The following MTUS2 variants were observed in gnomAD, a reference collection of about 807,000 sequenced individuals.
The protein encoded by MTUS2 is microtubule associated scaffold protein 2, also known as microtubule-associated tumor suppressor candidate 2.
Under a neutral mutation model 114.1 loss-of-function variants are expected in MTUS2, and 40 were observed. The ratio of observed to expected loss-of-function variants is 0.35; its 90% CI spans 0.27 to 0.46. The LOEUF (loss-of-function observed/expected upper bound fraction) is 0.46. Among genes scored for constraint, MTUS2 ranks in the 20% least tolerant of loss-of-function variants. MTUS2 has a pLI of 1.00. For synonymous variants in MTUS2, 688 were observed against 672.0 expected, an observed-to-expected ratio of 1.02 and a Z score of -0.37; for missense variants, 1,679 against 1,705.4, an observed-to-expected ratio of 0.98 and a Z score of 0.27.
At chr13:29,376,690 A>G (rs1245748199) in intron 8 of MTUS2, among the ~76,000 whole-genome samples, 3 of 152,184 alleles carry the variant, frequency 2.0e-5, no homozygotes, top group Non-Finnish European at 4.4e-5. Context: ...CTTATTGTCT[A>G]TAGCTGCTTT....
At position 29,480,264 on chromosome 13, in the gene MTUS2, T is replaced by C. The variant is rs1183305099; in HGVS notation, c.3299T>C (p.Leu1100Pro). ...GWQQQAELQE[L>P]EERLQLQFEA... ...CAGCAGCAGGCCGAGCTCCAGGAGC[T>C]GGAGGAGCGGCTGCAGCTGCAATTC... Residue 1100 changes from leucine (L) to proline (P), a missense_variant, in exon 10 of 16, where the codon CTG (leucine) becomes CCG (proline). Coordinates refer to ENST00000612955, the MANE Select transcript of MTUS2 (RefSeq NM_001033602.4). This position sits in a 1 kb window ranked among gnomAD's most constrained non-coding sequence, Gnocchi z 4.4. 1 of 1,554,220 alleles carries C rather than the reference T, an allele frequency of 6.4e-7. No individual in the cohort carries two copies. Among genetic ancestry groups the C allele is most frequent in the Non-Finnish European group, 8.7e-7 (1 of 1,148,754 alleles).
At chr13:29,285,937 T>C (rs1898463326) in intron 6 of MTUS2, among the ~76,000 whole-genome samples, 1 of 152,172 alleles carries the variant, frequency 6.6e-6, no homozygotes, top group African/African-American at 2.4e-5. Context: ...TATTGTTAAT[T>C]TTTTGTTTAG....
intron 2 of MTUS2, among the ~76,000 whole-genome samples, chr13:29,001,661 C>A (rs564852312): frequency 3.3e-5 from 5 of 152,266 alleles, no homozygotes; most frequent in African/African-American, 1.2e-4. Context: ...GTGGCCCCCC[C>A]AAAATGTCCA....
chr13:29,204,317 A>T (rs1178932349), intron 5 of MTUS2, among the ~76,000 whole-genome samples: 3 of 152,038 alleles, frequency 2.0e-5, no homozygotes, highest in Admixed American at 2.0e-4. Flanking sequence ...TCTTTCTGTA[A>T]TTCTTATATG....
intron 8 of MTUS2, among the ~76,000 whole-genome samples, chr13:29,422,562 G>A (rs1470251071): frequency 6.6e-6 from 1 of 151,782 alleles, no homozygotes; most frequent in Non-Finnish European, 1.5e-5. Context: ...AAATATGCCA[G>A]GAGTAAAAAT....
Position 29,349,610 on chromosome 13 carries a change from A to G in MTUS2, c.2906-9652A>G, listed in dbSNP as rs192452963. On this transcript the variant is annotated intron_variant, in intron 7 of 15. Coordinates refer to ENST00000612955, the MANE Select transcript of MTUS2 (RefSeq NM_001033602.4). ...GAATTCTTTTGGTTTTTGTTCACCT[A>G]TACTTTTGATAAATATTTTTGCTTT... Among the ~76,000 whole-genome samples, 11 of 152,074 alleles carry G rather than the reference A, an allele frequency of 7.2e-5. 1 individual carries two copies. In the East Asian group the frequency reaches 1.4e-3, roughly 19 times the overall value.
At chr13:28,909,481 GCTCT>G (rs1030896685) in intron 2 of MTUS2, among the ~76,000 whole-genome samples, 11 of 151,866 alleles carry the variant, frequency 7.2e-5, no homozygotes, top group Admixed American at 2.0e-4. Flanking sequence ...TCATGATTTG[GCTCT>G]CTGTTTAAAA....
rs113185819 is a variant in MTUS2, at chr13:29,338,901, C to A, written c.2905+14190C>A. On this transcript the variant is annotated intron_variant, in intron 7 of 15. Coordinates refer to ENST00000612955, the MANE Select transcript of MTUS2 (RefSeq NM_001033602.4). ...GGTTTTGAGAGCAACACGGTCTCTT[C>A]AGTGTGGGCTCTGCAGGCTAAGGAG... Among the ~76,000 whole-genome samples the A allele has an allele frequency of 7.6e-3, 1,152 of 152,192 alleles. 9 individuals are homozygous for A. The highest frequency in any genetic ancestry group is 0.027 in the Middle Eastern group (8 of 294).
In MTUS2 at chr13:29,504,395, A is replaced by G. The variant is rs902661729; in HGVS notation, c.*1189A>G. On this transcript the variant is annotated 3_prime_UTR_variant, in exon 16 of 16. Transcript: ENST00000612955. ...AGGGGTTCTAGCAGGGGCTTCCAGA[A>G]AAAAAAAACACCATTTCTGTCCCGG... 8 of 69,930 alleles carry G rather than the reference A, an allele frequency of 1.1e-4. No homozygotes were observed. Among genetic ancestry groups the G allele is most frequent in the African/African-American group, 1.0e-3 (4 of 4,012 alleles). 4.3% of individuals were successfully genotyped at this position (69,930 alleles called of 1,614,324 possible).
intron 5 of MTUS2, among the ~76,000 whole-genome samples, chr13:29,235,753 T>C (rs1896512024): frequency 6.6e-6 from 1 of 152,212 alleles, no homozygotes; most frequent in South Asian, 2.1e-4. Context: ...TTTAAATAGA[T>C]TTTCTAGGAT....
chr13:29,062,768 A>G (rs1006810), intron 4 of MTUS2, among the ~76,000 whole-genome samples: 56,784 of 151,986 alleles, frequency 0.37, 11,304 homozygotes, highest in East Asian at 0.63. Flanking sequence ...CTGGACATGC[A>G]AGAAATACAT....
chr13:29,111,592 A>T (rs9314935), intron 5 of MTUS2, among the ~76,000 whole-genome samples: 13 of 152,200 alleles, frequency 8.5e-5, no homozygotes, highest in African/African-American at 3.1e-4. Context: ...CAGAGTGAGA[A>T]TATCAAAAAG....
chr13:28,941,549 T>G (rs550345061), intron 2 of MTUS2, among the ~76,000 whole-genome samples: 1 of 152,242 alleles, frequency 6.6e-6, no homozygotes, highest in African/African-American at 2.4e-5. Context: ...TAAATATTTT[T>G]GAAAATTTGG....
intron 6 of MTUS2, among the ~76,000 whole-genome samples, chr13:29,322,436 C>A (rs543238523): frequency 1.3e-5 from 2 of 152,246 alleles, no homozygotes; most frequent in Non-Finnish European, 2.9e-5. Flanking sequence ...TTCTGTGAGC[C>A]CTGAAATGCC....
chr13:28,864,391 T>C (rs1275997889), intron 2 of MTUS2, among the ~76,000 whole-genome samples: 1 of 152,192 alleles, frequency 6.6e-6, no homozygotes, highest in East Asian at 1.9e-4. Context: ...TGTTAGGCCA[T>C]AGTGTGGGAA....
intron 8 of MTUS2, among the ~76,000 whole-genome samples, chr13:29,376,035 ATATATGTGTG>A (rs1440813826): frequency 6.4e-5 from 7 of 110,070 alleles, no homozygotes; most frequent in African/African-American, 1.7e-4. Flanking sequence ...GTGTATATAT[ATATATGTGTG>A]TGTGTGTGTG....
intron 9 of MTUS2, among the ~76,000 whole-genome samples, chr13:29,466,320 C>T (rs1879881567): frequency 6.6e-6 from 1 of 152,212 alleles, no homozygotes; most frequent in Non-Finnish European, 1.5e-5. Flanking sequence ...TTGCCATCAA[C>T]ACACTCTTGG....
intron 8 of MTUS2, among the ~76,000 whole-genome samples, chr13:29,385,979 G>A (rs1441225377): frequency 6.6e-6 from 1 of 152,140 alleles, no homozygotes; most frequent in Non-Finnish European, 1.5e-5. Context: ...GGGGCCCTCA[G>A]CTTCTTGGAC....
At chr13:29,345,711 G>A (rs1422247907) in intron 7 of MTUS2, among the ~76,000 whole-genome samples, 8 of 151,984 alleles carry the variant, frequency 5.3e-5, no homozygotes. Flanking sequence ...GTGATCTCTT[G>A]GGGATGTTAA....
Sources: allele counts gnomAD v4.1 joint callset (sites outside exome capture counted in the v4.1 genomes callset), GRCh38; gene constraint gnomAD v4.1.1; non-coding constraint Gnocchi (gnomAD v3.1); transcripts MANE v1.5; gene names NCBI Gene and HGNC (gene_info 2026-07-23, HGNC 2026-07-21).